The following SLC14A2 variants were observed in gnomAD, a reference collection of about 807,000 sequenced individuals.
SLC14A2 encodes the protein solute carrier family 14 member 2, also known as urea transporter 2.
SLC14A2 carries 91 observed loss-of-function variants against 104.6 expected under a neutral mutation model. The observed-to-expected ratio is 0.87, with a 90% CI of 0.73 to 1.04. SLC14A2 has a LOEUF of 1.04. Ranked by LOEUF, SLC14A2 falls within the 50% of genes least tolerant of loss-of-function variation. The probability of loss-of-function intolerance (pLI) is 0.00; values close to 1 mark genes in which losing one functional copy is unlikely to be tolerated. For synonymous variants in SLC14A2, 476 were observed against 466.4 expected (o/e 1.02, Z -0.27); for missense variants, 1,189 against 1,156.0 (o/e 1.03, Z -0.41).
At chr18:45,439,231 G>T (rs1022094759) in intron 1 of SLC14A2, among the ~76,000 whole-genome samples, 1 of 152,022 alleles carries the variant, frequency 6.6e-6, no homozygotes, top group African/African-American at 2.4e-5. Context: ...GTGAACTATG[G>T]AGGCACCACT....
chr18:45,615,842 A>G (rs879361323), intron 1 of SLC14A2, among the ~76,000 whole-genome samples: 1 of 143,966 alleles, frequency 6.9e-6, no homozygotes, highest in Non-Finnish European at 1.6e-5. Flanking sequence ...TGTGTGAGAG[A>G]GAGAGAGAGA....
At chr18:45,464,526 AAAG>A (rs1417767333) in intron 1 of SLC14A2, among the ~76,000 whole-genome samples, 2 of 152,232 alleles carry the variant, frequency 1.3e-5, no homozygotes, top group African/African-American at 2.4e-5. Flanking sequence ...CTTTTGAAAA[AAAG>A]AAGCAAAGAA....
chr18:45,441,606 TGCATGCACACGTGCAC>T, intron 1 of SLC14A2, among the ~76,000 whole-genome samples: 1 of 152,332 alleles, frequency 6.6e-6, no homozygotes, highest in Admixed American at 6.5e-5. Flanking sequence ...TGTGTTTGTG[TGCATGCACACGTGCAC>T]GCATGCCCAT....
intron 1 of SLC14A2, chr18:45,424,120 T>G (rs1210383236): frequency 6.6e-6 from 1 of 152,206 alleles, no homozygotes; most frequent in African/African-American, 2.4e-5. Flanking sequence ...CAGCATCACT[T>G]CTGGATCCTA....
chr18:45,429,136 G>A (rs928006604), intron 1 of SLC14A2, among the ~76,000 whole-genome samples: 1 of 152,098 alleles, frequency 6.6e-6, no homozygotes, highest in Non-Finnish European at 1.5e-5. Flanking sequence ...AGACATTGAC[G>A]CCAGAGTTCC....
At chr18:45,579,460 G>A (rs2044459163) in intron 2 of SLC14A2, among the ~76,000 whole-genome samples, 1 of 152,220 alleles carries the variant, frequency 6.6e-6, no homozygotes. Context: ...CATAAATGGG[G>A]AACTTGCTTT....
rs1307193110 is a variant in SLC14A2 at position 45,645,145 on chromosome 18, C to T, written c.1351+985C>T. Among the ~76,000 whole-genome samples the T allele has an allele frequency of 2.6e-5, 4 of 152,282 alleles. No individual in the cohort carries two copies. In the South Asian group the frequency reaches 6.2e-4, roughly 24 times the overall value. Reference sequence around the variant, plus strand: ...GATTTTCTGTTCCTGTGTTAGTTTGCTGAGAATGATGGCTTCCAGCTTCAT... The same window carrying T: ...GATTTTCTGTTCCTGTGTTAGTTTGTTGAGAATGATGGCTTCCAGCTTCAT... On this transcript the variant is annotated intron_variant, in intron 10 of 19. Coordinates refer to ENST00000255226, the MANE Select transcript of SLC14A2 (RefSeq NM_007163.4).
intron 1 of SLC14A2, among the ~76,000 whole-genome samples, chr18:45,350,067 G>A (rs1164155295): frequency 1.3e-5 from 2 of 152,214 alleles, no homozygotes; most frequent in East Asian, 3.8e-4. Flanking sequence ...TGCACTCACT[G>A]TTTGGGTCAA....
intron 1 of SLC14A2, among the ~76,000 whole-genome samples, chr18:45,257,260 T>C (rs2084488846): frequency 2.0e-5 from 3 of 152,368 alleles, no homozygotes; most frequent in Admixed American, 2.0e-4. Flanking sequence ...AATTTGACTT[T>C]GGAAATTAGT....
At chr18:45,505,412 A>C (rs918569643) in intron 2 of SLC14A2, among the ~76,000 whole-genome samples, 1 of 152,178 alleles carries the variant, frequency 6.6e-6, no homozygotes, top group Non-Finnish European at 1.5e-5. Context: ...AATGGAACCA[A>C]AAAAGAGGGA....
chr18:45,494,900 TCACACACACACACATACACA>T (rs1481314260), intron 2 of SLC14A2, among the ~76,000 whole-genome samples: 2 of 96,478 alleles, frequency 2.1e-5, no homozygotes, highest in African/African-American at 8.9e-5. Flanking sequence ...AATCGGGTCA[TCACACACACACACATACACA>T]CACACACACA....
upstream of SLC14A2, among the ~76,000 whole-genome samples, chr18:45,611,688 C>A (rs941680190): frequency 1.3e-5 from 2 of 152,166 alleles, no homozygotes; most frequent in Non-Finnish European, 2.9e-5. Flanking sequence ...GTCCAGGGCC[C>A]AACACAAAGA....
At chr18:45,436,899 G>A (rs2086604772) in intron 1 of SLC14A2, among the ~76,000 whole-genome samples, 1 of 152,154 alleles carries the variant, frequency 6.6e-6, no homozygotes, top group Non-Finnish European at 1.5e-5. Context: ...AAAGGGGATA[G>A]AATTCCACTG....
chr18:45,447,743 C>G (rs1418232851), intron 1 of SLC14A2: 1 of 152,008 alleles, frequency 6.6e-6, no homozygotes, highest in Non-Finnish European at 1.5e-5. Context: ...CCAAGGAGGC[C>G]GAAGTTTATT....
chr18:45,474,983 T>C (rs1438449299), intron 1 of SLC14A2, among the ~76,000 whole-genome samples: 1 of 152,230 alleles, frequency 6.6e-6, no homozygotes, highest in Non-Finnish European at 1.5e-5. Context: ...GTGTCGACTC[T>C]AGATCTTTCC....
At chr18:45,368,019 CTT>C (rs2085684058) in intron 1 of SLC14A2, among the ~76,000 whole-genome samples, 1 of 152,148 alleles carries the variant, frequency 6.6e-6, no homozygotes, top group Non-Finnish European at 1.5e-5. Context: ...CTTCATGTCT[CTT>C]TGCTGCTCTG....
At chr18:45,509,852 A>G (rs2043340060) in intron 2 of SLC14A2, among the ~76,000 whole-genome samples, 1 of 152,196 alleles carries the variant, frequency 6.6e-6, no homozygotes, top group Admixed American at 6.5e-5. Flanking sequence ...TCTGTAGGTC[A>G]CGGACTGGAC....
intron 7 of SLC14A2, among the ~76,000 whole-genome samples, 164 bp downstream of exon 7, chr18:45,640,057 G>T (rs1384342092): frequency 6.6e-6 from 1 of 152,030 alleles, no homozygotes; most frequent in Non-Finnish European, 1.5e-5. Flanking sequence ...ACTTTGGGAG[G>T]CCGAGGCACA....
chr18:45,170,015 T>TTTCTG, the SLC14A2 span, among the ~76,000 whole-genome samples: 1 of 151,934 alleles, frequency 6.6e-6, no homozygotes, highest in African/African-American at 2.4e-5. Flanking sequence ...AGAGAAAAAA[T>TTTCTG]TTCTGGCTGC....
Sources: allele counts gnomAD v4.1 joint callset (sites outside exome capture counted in the v4.1 genomes callset), GRCh38; gene constraint gnomAD v4.1.1; transcripts MANE v1.5; gene names NCBI Gene and HGNC (gene_info 2026-07-23, HGNC 2026-07-21).